Variants in ULK4 observed in about 807,000 individuals in gnomAD.
ULK4 encodes the protein unc-51 like kinase 4, also known as inactive serine/threonine-protein kinase ULK4.
ULK4 carries 133 observed loss-of-function variants against 160.6 expected under a neutral mutation model. The ratio of observed to expected loss-of-function variants is 0.83; its 90% CI spans 0.72 to 0.96. The LOEUF (loss-of-function observed/expected upper bound fraction) is 0.96, where lower values mean the gene tolerates loss of function less well. Among genes scored for constraint, ULK4 ranks in the 40% least tolerant of loss-of-function variants. The pLI is 0.00. For missense variants in ULK4, 1,580 were observed against 1,499.5 expected (o/e 1.05, Z -0.89); for synonymous variants, 534 against 539.8 (o/e 0.99, Z 0.15).
intron 18 of ULK4, among the ~76,000 whole-genome samples, chr3:41,835,063 A>C (rs926862976): frequency 1.5e-4 from 23 of 152,342 alleles, no homozygotes; most frequent in African/African-American, 5.5e-4. Context: ...ACTCAAAATC[A>C]TAACAATATC....
At chr3:41,925,235 G>A (rs933317943) in intron 5 of ULK4, among the ~76,000 whole-genome samples, 11 of 152,174 alleles carry the variant, frequency 7.2e-5, no homozygotes, top group African/African-American at 2.2e-4. Context: ...TTGGACAGCG[G>A]GTGCAGCCCA....
At chr3:41,854,702 A>G (rs1205809410) in intron 17 of ULK4, among the ~76,000 whole-genome samples, 1 of 152,108 alleles carries the variant, frequency 6.6e-6, no homozygotes, top group Non-Finnish European at 1.5e-5. Flanking sequence ...AGAGCTCCCC[A>G]AGTAACCTAG....
intron 17 of ULK4, among the ~76,000 whole-genome samples, chr3:41,880,391 GC>G (rs540207994): frequency 3.0e-4 from 45 of 152,248 alleles, no homozygotes; most frequent in African/African-American, 1.0e-3. Flanking sequence ...ATTTTCTGTA[GC>G]TGTTGATGAC....
intron 18 of ULK4, among the ~76,000 whole-genome samples, chr3:41,821,914 C>T (rs17063649): frequency 0.25 from 38,708 of 151,970 alleles, 6,101 homozygotes; most frequent in African/African-American, 0.45. Flanking sequence ...CCTCTTAGTC[C>T]TTTAAATTGG....
intron 35 of ULK4, among the ~76,000 whole-genome samples, chr3:41,380,977 C>A (rs934894405): frequency 1.3e-5 from 2 of 152,136 alleles, no homozygotes; most frequent in African/African-American, 4.8e-5. Flanking sequence ...TTGGTTCTCA[C>A]TGCTGCTTCC....
chr3:41,414,537 T>C (rs2082482581), intron 34 of ULK4, among the ~76,000 whole-genome samples: 1 of 152,164 alleles, frequency 6.6e-6, no homozygotes, highest in Non-Finnish European at 1.5e-5. Flanking sequence ...TGTCAAAAAG[T>C]ATATGAAAAA....
intron 32 of ULK4, among the ~76,000 whole-genome samples, chr3:41,485,137 C>G (rs2125900664): frequency 6.6e-6 from 1 of 152,270 alleles, no homozygotes; most frequent in East Asian, 1.9e-4. Context: ...GAAACTGAGA[C>G]TCAGGAGGTT....
intron 34 of ULK4, among the ~76,000 whole-genome samples, chr3:41,406,303 C>A (rs1298626132): frequency 6.6e-6 from 1 of 152,160 alleles, no homozygotes; most frequent in Admixed American, 6.6e-5. Context: ...TTTCTGGGTT[C>A]TCTATTCTGT....
chr3:41,766,336 C>T (rs1246534534), intron 21 of ULK4, among the ~76,000 whole-genome samples: 1 of 152,200 alleles, frequency 6.6e-6, no homozygotes, highest in Non-Finnish European at 1.5e-5. Flanking sequence ...TACATACTTA[C>T]TCTAAGTCAG....
intron 32 of ULK4, among the ~76,000 whole-genome samples, chr3:41,490,258 G>C (rs2084702093): frequency 6.6e-6 from 1 of 152,122 alleles, no homozygotes; most frequent in Non-Finnish European, 1.5e-5. Context: ...TTCCTCCACT[G>C]ATAAGGGAGC....
chr3:41,893,887 C>T (rs902870594), intron 16 of ULK4, among the ~76,000 whole-genome samples: 3 of 152,062 alleles, frequency 2.0e-5, no homozygotes, highest in African/African-American at 4.8e-5. Flanking sequence ...GTTAAGGACC[C>T]TTTATCATAT....
At chr3:41,659,972 T>C (rs1324645064) in intron 30 of ULK4, among the ~76,000 whole-genome samples, 2 of 151,954 alleles carry the variant, frequency 1.3e-5, no homozygotes, top group Admixed American at 6.6e-5. Flanking sequence ...GAAAAACATA[T>C]GTAACATGCT....
chr3:41,454,476 G>A (rs963021949), intron 34 of ULK4, among the ~76,000 whole-genome samples: 2 of 147,832 alleles, frequency 1.4e-5, no homozygotes, highest in African/African-American at 5.0e-5. Context: ...GTAGGCGGAT[G>A]CTGCAGTGAG....
intron 21 of ULK4, among the ~76,000 whole-genome samples, chr3:41,773,270 G>C (rs891557626): frequency 1.3e-5 from 2 of 152,174 alleles, no homozygotes; most frequent in African/African-American, 2.4e-5. Context: ...AGGAAAAGAG[G>C]AAGTCAAATT....
intron 7 of ULK4, among the ~76,000 whole-genome samples, chr3:41,917,895 G>T (rs968060203): frequency 1.3e-5 from 2 of 152,086 alleles, no homozygotes; most frequent in African/African-American, 4.8e-5. Flanking sequence ...GCTGAGGCAG[G>T]AGAACTGCTT....
At chr3:41,303,084 T>C (rs1221219555) in intron 35 of ULK4, among the ~76,000 whole-genome samples, 1 of 152,212 alleles carries the variant, frequency 6.6e-6, no homozygotes, top group Non-Finnish European at 1.5e-5. Flanking sequence ...CGAATATAAA[T>C]GAGCAACTGT....
chr3:41,565,697 T>C (rs561762489), intron 32 of ULK4, among the ~76,000 whole-genome samples: 1 of 152,340 alleles, frequency 6.6e-6, no homozygotes, highest in African/African-American at 2.4e-5. Flanking sequence ...AGATTTCTTT[T>C]TGTTTTAAAT....
chr3:41,825,592 C>T (rs922873805), intron 18 of ULK4, among the ~76,000 whole-genome samples: 1 of 151,946 alleles, frequency 6.6e-6, no homozygotes, highest in African/African-American at 2.4e-5. Context: ...TGAAATGAAG[C>T]AAGAAGAGAA....
intron 1 of ULK4, among the ~76,000 whole-genome samples, chr3:41,957,291 TAAA>T (rs762082135): frequency 6.1e-5 from 9 of 147,170 alleles, no homozygotes; most frequent in African/African-American, 9.9e-5. Flanking sequence ...CTATCTCTAC[TAAA>T]AATACAAAAA....
Sources: allele counts gnomAD v4.1 joint callset (sites outside exome capture counted in the v4.1 genomes callset), GRCh38; gene constraint gnomAD v4.1.1; transcripts MANE v1.5; gene names NCBI Gene and HGNC (gene_info 2026-07-23, HGNC 2026-07-21).